The following ATP2B1 variants were observed in gnomAD, a reference collection of about 807,000 sequenced individuals.
ATP2B1 encodes the protein ATPase plasma membrane Ca2+ transporting 1, also known as plasma membrane calcium-transporting ATPase 1.
In ATP2B1, 14 loss-of-function variants were observed where a neutral mutation model predicts 124.2. The observed-to-expected ratio is 0.11, with a 90% CI of 0.07 to 0.18. The LOEUF is 0.18. Among genes scored for constraint, ATP2B1 ranks in the 10% least tolerant of loss-of-function variants. ATP2B1 has a pLI of 1.00. For synonymous variants in ATP2B1, 449 were observed against 492.4 expected, an observed-to-expected ratio of 0.91 and a Z score of 1.17; for missense variants, 763 against 1,466.1, an observed-to-expected ratio of 0.52 and a Z score of 7.83.
intron 1 of ATP2B1, among the ~76,000 whole-genome samples, chr12:89,701,076 T>C (rs1005873523): frequency 1.3e-5 from 2 of 152,222 alleles, no homozygotes; most frequent in African/African-American, 4.8e-5. Context: ...CTTGACTTCT[T>C]GGCAGCTGGA....
intron 19 of ATP2B1, among the ~76,000 whole-genome samples, chr12:89,600,008 A>C (rs1875480207): frequency 6.6e-6 from 1 of 152,204 alleles, no homozygotes; most frequent in Admixed American, 6.5e-5. Context: ...CATTTCACCA[A>C]GGTGAAATAG....
At chr12:89,605,212 G>A (rs1876601730) in intron 15 of ATP2B1, among the ~76,000 whole-genome samples, 1 of 152,182 alleles carries the variant, frequency 6.6e-6, no homozygotes, top group Admixed American at 6.5e-5. Context: ...TTAGAAGGGA[G>A]TAGGATTCAC....
rs1873005079 is a variant in ATP2B1 at position 89,588,437 on chromosome 12, C to T, written c.*2547G>A. ...TTAAAAAATATACAAAGATTAAAAA[C>T]ATTTGGGATGCAAAATTAAACAATT... On this transcript the variant is annotated 3_prime_UTR_variant, in exon 21 of 21. Coordinates refer to ENST00000428670, the MANE Select transcript of ATP2B1 (RefSeq NM_001366521.1). 6.6e-6 allele frequency: 1 copy of T among 152,432 alleles called. No homozygotes were observed. The highest frequency in any genetic ancestry group is 2.4e-5 in the African/African-American group (1 of 41,394). The allele number at this position is 152,432 out of a possible 1,614,324, so 9.4% of individuals were successfully genotyped here.
intron 1 of ATP2B1, among the ~76,000 whole-genome samples, chr12:89,697,844 C>T (rs1008709917): frequency 6.6e-6 from 1 of 151,780 alleles, no homozygotes; most frequent in Non-Finnish European, 1.5e-5. Context: ...ACAAAGCTAC[C>T]GCTTGCTTTT....
At chr12:89,632,857 T>C (rs988301547) in intron 5 of ATP2B1, among the ~76,000 whole-genome samples, 2 of 152,196 alleles carry the variant, frequency 1.3e-5, no homozygotes, top group Non-Finnish European at 2.9e-5. Flanking sequence ...CCTGGTATAC[T>C]TGGTGTGTTA....
intron 1 of ATP2B1, among the ~76,000 whole-genome samples, chr12:89,679,693 G>A (rs993756932): frequency 2.0e-5 from 3 of 152,264 alleles, no homozygotes; most frequent in East Asian, 1.9e-4. Context: ...TCGTAGGAGA[G>A]GGGAGGCTTA....
chr12:89,661,681 A>G (rs1886708701), intron 1 of ATP2B1, among the ~76,000 whole-genome samples: 2 of 152,214 alleles, frequency 1.3e-5, no homozygotes, highest in South Asian at 4.1e-4. Context: ...GAACTAAAAA[A>G]TAATTTTTGA....
At chr12:89,658,643 G>GAGAGAGAGAGAGAGAGAGAT (rs1886294800) in intron 1 of ATP2B1, among the ~76,000 whole-genome samples, 1 of 142,788 alleles carries the variant, frequency 7.0e-6, no homozygotes, top group East Asian at 1.9e-4. Context: ...GAGAGAGAGA[G>GAGAGAGAGAGAGAGAGAGAT]AGAGATAGAG....
intron 1 of ATP2B1, among the ~76,000 whole-genome samples, chr12:89,663,384 G>T (rs927880700): frequency 6.6e-6 from 1 of 152,088 alleles, no homozygotes; most frequent in Non-Finnish European, 1.5e-5. Context: ...AGATTCTTGA[G>T]GGTATGCAAA....
At position 89,610,476 on chromosome 12, in the gene ATP2B1, T is replaced by C; in HGVS notation, c.2280A>G (p.Pro760=). The change falls in exon 14 of 21, where the codon CCA becomes CCG. Residue 760 remains proline (P), a synonymous_variant. Coordinates refer to ENST00000428670, the MANE Select transcript of ATP2B1 (RefSeq NM_001366521.1). ...ATGATCTTGCAAGTACTCGAAGTTT[T>C]GGCCAAATCTTGTCTATCCTCTCTT... The part of the protein sequence containing the change: ...IEQERIDKIW[P]KLRVLARSSP... 1 of 1,613,822 alleles carries C rather than the reference T, an allele frequency of 6.2e-7. No individual in the cohort carries two copies. The highest frequency in any genetic ancestry group is 8.5e-7 in the Non-Finnish European group (1 of 1,179,766).
At chr12:89,692,361 G>A (rs1402658611) in intron 1 of ATP2B1, among the ~76,000 whole-genome samples, 1 of 152,102 alleles carries the variant, frequency 6.6e-6, no homozygotes, top group African/African-American at 2.4e-5. Context: ...ACATTGATGA[G>A]AAAAAACAAA....
chr12:89,641,036 G>A (rs772967332), intron 3 of ATP2B1, among the ~76,000 whole-genome samples: 6 of 152,088 alleles, frequency 3.9e-5, no homozygotes, highest in East Asian at 1.9e-4. Context: ...TTCACAACTC[G>A]AAAGGGTATA....
At chr12:89,658,310 G>C (rs1886204442) in intron 1 of ATP2B1, among the ~76,000 whole-genome samples, 1 of 152,084 alleles carries the variant, frequency 6.6e-6, no homozygotes, top group Non-Finnish European at 1.5e-5. Context: ...TTTTCCTAGA[G>C]AAACTAGACA....
intron 1 of ATP2B1, among the ~76,000 whole-genome samples, chr12:89,685,868 C>T (rs1889906659): frequency 6.6e-6 from 1 of 151,960 alleles, no homozygotes; most frequent in Non-Finnish European, 1.5e-5. Flanking sequence ...GAGATACCAG[C>T]AAAAAGGCCA....
intron 1 of ATP2B1, among the ~76,000 whole-genome samples, chr12:89,667,304 T>C (rs1211869777): frequency 6.6e-6 from 1 of 152,174 alleles, no homozygotes; most frequent in East Asian, 1.9e-4. Context: ...TTCCCTCCTG[T>C]CCATTGTATC....
chr12:89,671,854 GA>G (rs1368640171), intron 1 of ATP2B1, among the ~76,000 whole-genome samples: 1 of 149,626 alleles, frequency 6.7e-6, no homozygotes, highest in East Asian at 2.0e-4. Context: ...ATGAACCTGA[GA>G]CAAAAATTAG....
chr12:89,697,251 T>C (rs1891250683), intron 1 of ATP2B1, among the ~76,000 whole-genome samples: 1 of 152,200 alleles, frequency 6.6e-6, no homozygotes, highest in South Asian at 2.1e-4. Flanking sequence ...TATGTCTTTA[T>C]GAGCTTGGGG....
At chr12:89,651,139 T>C (rs942592135) in intron 2 of ATP2B1, among the ~76,000 whole-genome samples, 1 of 152,232 alleles carries the variant, frequency 6.6e-6, no homozygotes, top group Non-Finnish European at 1.5e-5. Flanking sequence ...GTTTTTAATA[T>C]GAAAATTATA....
At chr12:89,688,886 T>C (rs892788962) in intron 1 of ATP2B1, among the ~76,000 whole-genome samples, 3 of 152,220 alleles carry the variant, frequency 2.0e-5, no homozygotes, top group African/African-American at 4.8e-5. Context: ...GTATAAAATA[T>C]TGGTTTTGCC....
Sources: gnomAD v4.1 joint callset for allele counts (sites outside exome capture counted in the v4.1 genomes callset) on GRCh38, gnomAD v4.1.1 for gene constraint, MANE v1.5 for transcripts, NCBI Gene and HGNC (gene_info 2026-07-23, HGNC 2026-07-21) for gene names.